The following SBSPON variants were observed in gnomAD, a reference collection of about 807,000 sequenced individuals.
SBSPON encodes somatomedin B and thrombospondin type 1 domain containing, also known as somatomedin-B and thrombospondin type-1 domain-containing protein.
SBSPON carries 30 observed loss-of-function variants against 35.8 expected under a neutral mutation model. That is an observed-to-expected ratio of 0.84 (90% CI 0.63 to 1.14). The LOEUF (loss-of-function observed/expected upper bound fraction) is 1.14, where lower values mean the gene tolerates loss of function less well. SBSPON is among the 50% of genes most tolerant of loss of function. SBSPON has a pLI of 0.00. For missense variants in SBSPON, 364 were observed against 357.7 expected (o/e 1.02, Z -0.14); for synonymous variants, 136 against 135.9 (o/e 1.00, Z 0.00).
In SBSPON at chr8:73,066,665, A is replaced by G. The variant is rs1810391893; in HGVS notation, c.*676T>C. Reference sequence around the variant, plus strand: ...GGTGTCAACATTTCTTTTCATGAAAATTATAACATTTAAAAGAACTCCCAT... The same window carrying G: ...GGTGTCAACATTTCTTTTCATGAAAGTTATAACATTTAAAAGAACTCCCAT... On this transcript the variant is annotated 3_prime_UTR_variant, in exon 5 of 5. Coordinates refer to ENST00000297354, the MANE Select transcript of SBSPON (RefSeq NM_153225.4). The G allele has an allele frequency of 6.6e-6, 1 of 152,196 alleles. No homozygotes were observed. The highest frequency in any genetic ancestry group is 2.4e-5 in the African/African-American group (1 of 41,444). The allele number at this position is 152,196 out of a possible 1,614,324, so 9.4% of individuals were successfully genotyped here. A position where few individuals can be genotyped will look rare whatever the true frequency, so the allele number is the denominator to read the frequency against.
chr8:73,073,987 A>G (rs1419962340), intron 2 of SBSPON, among the ~76,000 whole-genome samples: 1 of 152,220 alleles, frequency 6.6e-6, no homozygotes. Flanking sequence ...AAGAGAGTGC[A>G]TGTATATCAG....
At chr8:73,075,742 G>C in intron 2 of SBSPON, 1 of 932,682 alleles carries the variant, frequency 1.1e-6, no homozygotes, top group East Asian at 1.2e-4. Flanking sequence ...GGGATCACTG[G>C]TCTATAGTAC....
At chr8:73,071,646 A>C in intron 3 of SBSPON, 134 bp downstream of exon 3, 1 of 608,128 alleles carries the variant, frequency 1.6e-6, no homozygotes, top group East Asian at 2.8e-5. Context: ...ACTCTGATGA[A>C]GAGTCCATAT....
chr8:73,070,641 GA>G (rs1294374445), intron 3 of SBSPON, among the ~76,000 whole-genome samples: 11 of 152,192 alleles, frequency 7.2e-5, no homozygotes, highest in African/African-American at 2.7e-4. Flanking sequence ...CTGAGCTGCG[GA>G]AAACTCTAAC....
In SBSPON at chr8:73,065,764, G is replaced by A. The variant is rs1392063494; in HGVS notation, c.*1577C>T. 1 of 152,106 alleles carries A rather than the reference G, an allele frequency of 6.6e-6. No homozygotes were observed. The highest frequency in any genetic ancestry group is 1.9e-4 in the East Asian group (1 of 5,194). The allele number at this position is 152,106 out of a possible 1,614,324, so 9.4% of individuals were successfully genotyped here. On this transcript the variant is annotated 3_prime_UTR_variant, in exon 5 of 5. Transcript: ENST00000297354. ...ACTGCACTCCAGCCTGGGCAACAGA[G>A]TGAGACTCTGTCTCAAAGAAAAAAA...
At position 73,080,517 on chromosome 8, in the gene SBSPON, AAATAAT is replaced by A. The variant is rs949943762; in HGVS notation, c.409+496_409+501del. Reference sequence around the variant, plus strand: ...GTGACAGAGCGAGACTCTGTCTCAAAAATAATAATAATAATAAAAGAATCACTTTAT... The same window carrying A: ...GTGACAGAGCGAGACTCTGTCTCAAAAATAATAATAAAAGAATCACTTTAT... On this transcript the variant is annotated intron_variant, in intron 2 of 4. Transcript: ENST00000297354. Among the ~76,000 whole-genome samples, 11 of 152,240 alleles carry A rather than the reference AAATAAT, an allele frequency of 7.2e-5. No homozygotes were observed. The East Asian group carries it at 1.5e-3, about 21-fold the overall frequency.
At chr8:73,079,011 C>T (rs937918432) in intron 2 of SBSPON, among the ~76,000 whole-genome samples, 1 of 152,272 alleles carries the variant, frequency 6.6e-6, no homozygotes, top group South Asian at 2.1e-4. Context: ...CATAAAAGAG[C>T]CAAAGATGCT....
Position 73,069,741 on chromosome 8 carries a change from T to C in SBSPON, c.677+64A>G. On this transcript the variant is annotated intron_variant, in intron 4 of 4. Transcript: ENST00000297354. The stretch of plus-strand genomic sequence containing the variant: ...TACATACTGGTCAGCTGTCTGGACA[T>C]GGAGAGGACAGATTTCTCAGAATGA... 3 of 1,352,078 alleles carry C rather than the reference T, an allele frequency of 2.2e-6. 1 individual carries two copies. The South Asian group carries it at 3.6e-5, about 16-fold the overall frequency. 83.8% of individuals were successfully genotyped at this position (1,352,078 alleles called of 1,614,324 possible). A position where few individuals can be genotyped will look rare whatever the true frequency, so the allele number is the denominator to read the frequency against.
rs532322205 is a variant in SBSPON, at chr8:73,065,360, T to C, written c.*1981A>G. 1.3e-5 allele frequency: 2 copies of C among 152,328 alleles called. No homozygotes were observed. Among genetic ancestry groups the C allele is most frequent in the East Asian group, 3.9e-4 (2 of 5,190 alleles). The allele number at this position is 152,328 out of a possible 1,614,324, so 9.4% of individuals were successfully genotyped here. A position where few individuals can be genotyped will look rare whatever the true frequency, so the allele number is the denominator to read the frequency against. On this transcript the variant is annotated 3_prime_UTR_variant, in exon 5 of 5. Transcript: ENST00000297354. The stretch of plus-strand genomic sequence containing the variant: ...CTATCAGTTCTGAAGGATTTTTTTG[T>C]TTTATTTTTGGTGAAATTTTATCAT...
intron 1 of SBSPON, among the ~76,000 whole-genome samples, chr8:73,082,646 T>A (rs563836223): frequency 6.6e-6 from 1 of 152,370 alleles, no homozygotes; most frequent in Non-Finnish European, 1.5e-5. Flanking sequence ...ATTCCCAATA[T>A]CTGCCATGTA....
chr8:73,068,915 C>G (rs573122881), intron 4 of SBSPON, among the ~76,000 whole-genome samples: 1 of 151,992 alleles, frequency 6.6e-6, no homozygotes, highest in Non-Finnish European at 1.5e-5. Flanking sequence ...GAAAATTATA[C>G]GAAATTCAAA....
At chr8:73,089,356 C>G (rs1292678543) in intron 1 of SBSPON, among the ~76,000 whole-genome samples, 5 of 152,140 alleles carry the variant, frequency 3.3e-5, no homozygotes, top group African/African-American at 1.2e-4. Context: ...GAGATTGAAA[C>G]CAGCCTGGCC....
chr8:73,076,699 T>C lies in SBSPON; in HGVS notation c.409+4320A>G, dbSNP rs555398527. Reference sequence around the variant, plus strand: ...GCAACGGAAGAAAGGCACCGAGAAATGCATTGTTGCTAGCTATGAGGATGG... The same window carrying C: ...GCAACGGAAGAAAGGCACCGAGAAACGCATTGTTGCTAGCTATGAGGATGG... On this transcript the variant is annotated intron_variant, in intron 2 of 4. Transcript: ENST00000297354. Among the ~76,000 whole-genome samples the C allele has an allele frequency of 1.7e-3, 241 of 145,484 alleles. 2 individuals carry two copies. The highest frequency in any genetic ancestry group is 6.0e-3 in the African/African-American group (234 of 39,260).
chr8:73,089,053 A>G (rs1281143597), intron 1 of SBSPON, among the ~76,000 whole-genome samples: 6 of 152,204 alleles, frequency 3.9e-5, no homozygotes, highest in Non-Finnish European at 8.8e-5. Flanking sequence ...GTCCCCCTCT[A>G]CTCAGCAGGG....
intron 2 of SBSPON, among the ~76,000 whole-genome samples, chr8:73,072,823 C>T (rs1810522742): frequency 6.6e-6 from 1 of 152,126 alleles, no homozygotes. Context: ...GTCCCCACAC[C>T]AGCTCAGGGA....
chr8:73,087,475 C>T (rs1316021618), intron 1 of SBSPON, among the ~76,000 whole-genome samples: 1 of 152,204 alleles, frequency 6.6e-6, no homozygotes, highest in East Asian at 1.9e-4. Flanking sequence ...CAGCCAAATT[C>T]TGCTAAGTCA....
chr8:73,091,506 T>C (rs1810935478), intron 1 of SBSPON, among the ~76,000 whole-genome samples: 1 of 152,190 alleles, frequency 6.6e-6, no homozygotes, highest in South Asian at 2.1e-4. Context: ...TTAAAATGTA[T>C]GCAAGCCCCT....
chr8:73,076,258 A>C (rs943403096), intron 2 of SBSPON, among the ~76,000 whole-genome samples: 1 of 152,180 alleles, frequency 6.6e-6, no homozygotes, highest in Non-Finnish European at 1.5e-5. Flanking sequence ...TGGAGGCAGA[A>C]TTGTGGCCCC....
In SBSPON at chr8:73,081,114, G is replaced by C. The variant is rs1265032726; in HGVS notation, c.314C>G (p.Pro105Arg). 3.1e-6 allele frequency: 5 copies of C among 1,613,420 alleles called. No individual in the cohort carries two copies. Among genetic ancestry groups the C allele is most frequent in the Non-Finnish European group, 4.2e-6 (5 of 1,179,670 alleles). Residue 105 changes from proline (P) to arginine (R), a missense_variant, in exon 2 of 5, where the codon CCT becomes CGT. Transcript: ENST00000297354. Reference protein sequence around the residue: ...RVRRRSVQQEPQNGGAPCPPL... With the variant: ...RVRRRSVQQERQNGGAPCPPL... ...TGGGCAGGGCGCCCCGCCGTTCTGA[G>C]GCTCCTGCTGCACCGAGCGCCTCCG...
Sources: allele counts gnomAD v4.1 joint callset (sites outside exome capture counted in the v4.1 genomes callset), GRCh38; gene constraint gnomAD v4.1.1; transcripts MANE v1.5; gene names NCBI Gene and HGNC (gene_info 2026-07-23, HGNC 2026-07-21).